The following RBFOX1 variants were observed in gnomAD, a reference collection of about 807,000 sequenced individuals.
RBFOX1 encodes the protein RNA binding fox-1 homolog 1, also known as RNA binding protein fox-1 homolog 1.
In RBFOX1, 8 loss-of-function variants were observed where a neutral mutation model predicts 57.7. The ratio of observed to expected loss-of-function variants is 0.14; its 90% CI spans 0.08 to 0.25. The LOEUF (loss-of-function observed/expected upper bound fraction) is 0.25, where lower values mean the gene tolerates loss of function less well. Ranked by LOEUF, RBFOX1 falls within the 10% of genes least tolerant of loss-of-function variation. The pLI is 1.00. For missense variants in RBFOX1, 611 were observed against 548.5 expected, an observed-to-expected ratio of 1.11 and a Z score of -1.14; for synonymous variants, 326 against 222.4, an observed-to-expected ratio of 1.47 and a Z score of -4.15.
chr16:5,590,176 G>A lies in RBFOX1; in HGVS notation c.259-8726G>A, dbSNP rs75331259. ...GAGATTAATACTTTTTTTTCCTGCAGTCTGAAACGATTTACATGGTAATAG... is the reference window on the plus strand; with the variant it reads ...GAGATTAATACTTTTTTTTCCTGCAATCTGAAACGATTTACATGGTAATAG... On this transcript the variant is annotated intron_variant, in intron 2 of 2. Coordinates refer to the RBFOX1 transcript ENST00000585867. Among the ~76,000 whole-genome samples, 4 of 152,008 alleles carry A rather than the reference G, an allele frequency of 2.6e-5. No individual in the cohort carries two copies. The East Asian group carries it at 5.8e-4, about 22-fold the overall frequency.
chr16:5,557,174 C>T (rs936818513), intron 2 of RBFOX1, among the ~76,000 whole-genome samples: 1 of 151,904 alleles, frequency 6.6e-6, no homozygotes, highest in Admixed American at 6.6e-5. Flanking sequence ...GCAGGAAAGT[C>T]GTTTGAACCC....
intron 4 of RBFOX1, among the ~76,000 whole-genome samples, chr16:7,187,480 G>C (rs1211547130): frequency 1.3e-5 from 2 of 151,426 alleles, no homozygotes; most frequent in South Asian, 4.2e-4. Flanking sequence ...ACGAGATCAG[G>C]AGATCGAGAC....
chr16:6,242,795 C>A (rs553959702), intron 1 of RBFOX1, among the ~76,000 whole-genome samples: 70 of 152,094 alleles, frequency 4.6e-4, no homozygotes, highest in Non-Finnish European at 7.9e-4. Context: ...AAACACATAA[C>A]CCTTGTTTTA....
intron 3 of RBFOX1, among the ~76,000 whole-genome samples, chr16:7,042,412 CT>C (rs768926697): frequency 6.6e-6 from 1 of 152,148 alleles, no homozygotes; most frequent in Non-Finnish European, 1.5e-5. Flanking sequence ...TGAATATTTC[CT>C]ATCTTTACGG....
chr16:7,515,922 G>T (rs115631285), intron 4 of RBFOX1, among the ~76,000 whole-genome samples: 167 of 152,190 alleles, frequency 1.1e-3, no homozygotes, highest in African/African-American at 3.8e-3. Flanking sequence ...TCAGCTCACT[G>T]CAACTTCCAC....
chr16:6,296,806 A>G (rs576636648), intron 1 of RBFOX1, among the ~76,000 whole-genome samples: 86 of 152,178 alleles, frequency 5.7e-4, no homozygotes, highest in Non-Finnish European at 1.0e-3. Context: ...AAGTCCATGC[A>G]TGTGTTACCA....
rs1567747539 is a variant in RBFOX1, at chr16:6,892,775, C to CTCTCTCTCT, written c.-15-159282_-15-159281insTCTCTCTCT. Among the ~76,000 whole-genome samples, 52 of 84,716 alleles carry CTCTCTCTCT rather than the reference C, an allele frequency of 6.1e-4. 5 individuals carry two copies. The highest frequency in any genetic ancestry group is 2.1e-3 in the African/African-American group (41 of 19,638). 55.6% of individuals were successfully genotyped at this position (84,716 alleles called of 152,430 possible). A position where few individuals can be genotyped will look rare whatever the true frequency, so the allele number is the denominator to read the frequency against. Reference sequence around the variant, plus strand: ...CATATTCTCAAAGCCTCCCTGTCTCCCTCTCTCTCTCTCTCTCTCTCTCTC... The same window carrying CTCTCTCTCT: ...CATATTCTCAAAGCCTCCCTGTCTCCTCTCTCTCTCTCTCTCTCTCTCTCTCTCTCTCTC... On this transcript the variant is annotated intron_variant, in intron 3 of 15. Coordinates refer to ENST00000550418, the MANE Select transcript of RBFOX1 (RefSeq NM_018723.4).
chr16:7,108,043 GA>G (rs1233997246), intron 4 of RBFOX1, among the ~76,000 whole-genome samples: 3 of 152,180 alleles, frequency 2.0e-5, no homozygotes, highest in African/African-American at 7.2e-5. Flanking sequence ...GTAGAGAGGT[GA>G]AAGGATGAAT....
In RBFOX1 at chr16:6,000,241, G is replaced by A. The variant is rs144438511; in HGVS notation, c.351+132906G>A. 3.6e-3 allele frequency among the ~76,000 whole-genome samples: 542 copies of A among 152,270 alleles called. 1 individual carries two copies. The highest frequency in any genetic ancestry group is 6.8e-3 in the Middle Eastern group (2 of 294). On this transcript the variant is annotated intron_variant, in intron 4 of 19. Coordinates refer to the RBFOX1 transcript ENST00000641259. ...GCCCCCCTGGTGCGATGCTTCCTCT[G>A]AAGCTGGAAGTAGTGGGACAAACCG... is the stretch of plus-strand genomic sequence containing the variant.
At chr16:6,060,122 GTTTT>G (rs199690584) in intron 1 of RBFOX1, among the ~76,000 whole-genome samples, 88 of 114,126 alleles carry the variant, frequency 7.7e-4, no homozygotes, top group African/African-American at 2.7e-3. Context: ...TAGGATTAGG[GTTTT>G]TTTTTTTTTT....
intron 3 of RBFOX1, among the ~76,000 whole-genome samples, chr16:5,612,458 G>A (rs34199682): frequency 0.1 from 15,567 of 152,232 alleles, 1,266 homozygotes; most frequent in East Asian, 0.39. Flanking sequence ...ACAGTTTAGT[G>A]AGACAGAGAT....
intron 1 of RBFOX1, among the ~76,000 whole-genome samples, chr16:6,076,125 C>G (rs1369877387): frequency 1.3e-5 from 2 of 152,000 alleles, no homozygotes; most frequent in Admixed American, 6.6e-5. Flanking sequence ...ATGGAGAAAT[C>G]CCATCTCTAA....
intron 4 of RBFOX1, among the ~76,000 whole-genome samples, chr16:5,959,173 A>T (rs2059702650): frequency 6.6e-6 from 1 of 152,290 alleles, no homozygotes; most frequent in Non-Finnish European, 1.5e-5. Context: ...GTGAGCACTG[A>T]TGCTGGCTAA....
chr16:6,843,512 C>T (rs2141594664), intron 3 of RBFOX1, among the ~76,000 whole-genome samples: 1 of 152,078 alleles, frequency 6.6e-6, no homozygotes, highest in South Asian at 2.1e-4. Flanking sequence ...CACTGTGAAA[C>T]CCCGTCTGTA....
intron 4 of RBFOX1, among the ~76,000 whole-genome samples, chr16:7,455,413 A>G (rs2058296678): frequency 6.6e-6 from 1 of 152,218 alleles, no homozygotes; most frequent in Non-Finnish European, 1.5e-5. Context: ...CCATGCAAGA[A>G]TATAACAGCT....
rs148461637 is a variant in RBFOX1 at position 6,728,850 on chromosome 16, A to G, written c.-16+74200A>G. 4.5e-3 allele frequency among the ~76,000 whole-genome samples: 691 copies of G among 152,302 alleles called. 2 individuals carry two copies. Among genetic ancestry groups the G allele is most frequent in the Middle Eastern group, 0.024 (7 of 294 alleles). ...TTGATCTAATTCATGTAGCATTCAA[A>G]ACAGTGGCCAGAGAAGAACTGATGA... On this transcript the variant is annotated intron_variant, in intron 3 of 15. Transcript: ENST00000550418.
At chr16:5,838,814 A>C (rs1446391687) in intron 3 of RBFOX1, among the ~76,000 whole-genome samples, 3 of 152,200 alleles carry the variant, frequency 2.0e-5, no homozygotes, top group African/African-American at 2.4e-5. Context: ...GTTACAGTTA[A>C]CGTGAACTAA....
chr16:7,375,211 A>C (rs1274888335), intron 4 of RBFOX1, among the ~76,000 whole-genome samples: 1 of 152,226 alleles, frequency 6.6e-6, no homozygotes, highest in Admixed American at 6.5e-5. Context: ...AGAGAAGTAC[A>C]TCGTTTCAGT....
At chr16:5,606,361 C>T (rs1353341507) in intron 3 of RBFOX1, among the ~76,000 whole-genome samples, 1 of 152,022 alleles carries the variant, frequency 6.6e-6, no homozygotes, top group Non-Finnish European at 1.5e-5. Context: ...ACCATTCATC[C>T]ATAGTCATCA....
Sources: allele counts gnomAD v4.1 joint callset (sites outside exome capture counted in the v4.1 genomes callset), GRCh38; gene constraint gnomAD v4.1.1; transcripts MANE v1.5; gene names NCBI Gene and HGNC (gene_info 2026-07-23, HGNC 2026-07-21).